Variants in CBFA2T2 observed in about 807,000 individuals in gnomAD.
CBFA2T2 encodes the protein protein CBFA2T2.
Under a neutral mutation model 62.2 loss-of-function variants are expected in CBFA2T2, and 11 were observed. The ratio of observed to expected loss-of-function variants is 0.18; its 90% CI spans 0.11 to 0.29. The LOEUF is 0.29. Ranked by LOEUF, CBFA2T2 falls within the 10% of genes least tolerant of loss-of-function variation. The pLI is 1.00. For missense variants in CBFA2T2, 592 were observed against 774.1 expected (o/e 0.76, Z 2.79); for synonymous variants, 295 against 287.5 (o/e 1.03, Z -0.27).
At chr20:33,523,695 C>T (rs2011798351) in intron 1 of CBFA2T2, among the ~76,000 whole-genome samples, 1 of 150,106 alleles carries the variant, frequency 6.7e-6, no homozygotes, top group Non-Finnish European at 1.5e-5. Flanking sequence ...GTTTTGTTTT[C>T]TTTTTTTCCC....
At chr20:33,631,263 G>A (rs551494719) in intron 8 of CBFA2T2, among the ~76,000 whole-genome samples, 30 of 152,302 alleles carry the variant, frequency 2.0e-4, no homozygotes, top group Non-Finnish European at 3.5e-4. Context: ...GCAGTGAGCC[G>A]AGATCGCGCC....
intron 1 of CBFA2T2, among the ~76,000 whole-genome samples, chr20:33,507,466 TAA>T (rs1263180429): frequency 6.6e-6 from 1 of 152,180 alleles, no homozygotes; most frequent in Non-Finnish European, 1.5e-5. Context: ...CCTTACAACA[TAA>T]AAAAATAATT....
intron 1 of CBFA2T2, among the ~76,000 whole-genome samples, chr20:33,521,017 CTAGA>C (rs890425873): frequency 4.0e-5 from 6 of 149,278 alleles, no homozygotes; most frequent in Non-Finnish European, 8.9e-5. Context: ...AGCTGCCATC[CTAGA>C]TAGTTTACCA....
intron 1 of CBFA2T2, among the ~76,000 whole-genome samples, chr20:33,566,002 T>G (rs2013296701): frequency 6.6e-6 from 1 of 152,180 alleles, no homozygotes; most frequent in African/African-American, 2.4e-5. Context: ...CTAAGGCTAC[T>G]CAGTGCTCAT....
At chr20:33,520,970 T>TCA (rs143080667) in intron 1 of CBFA2T2, among the ~76,000 whole-genome samples, 15,531 of 136,890 alleles carry the variant, frequency 0.11, 978 homozygotes, top group African/African-American at 0.18. Flanking sequence ...TCACCTGCCA[T>TCA]CACACACACA....
chr20:33,571,670 A>T (rs1427859904), intron 1 of CBFA2T2, among the ~76,000 whole-genome samples: 1 of 152,216 alleles, frequency 6.6e-6, no homozygotes, highest in Non-Finnish European at 1.5e-5. Context: ...CATATTTATC[A>T]CAATTTTCCT....
rs75601777 is a variant in CBFA2T2, at chr20:33,564,546, C to T, written c.35-42410C>T. 3.9e-4 allele frequency among the ~76,000 whole-genome samples: 59 copies of T among 152,082 alleles called. No individual in the cohort carries two copies. The East Asian group carries it at 8.7e-3, about 22-fold the overall frequency. Reference sequence around the variant, plus strand: ...CTGGGATTAAAGGAGTGAGCCACCGCGCCTGGCCCTCTTTTTTTCTTTTCT... The same window carrying T: ...CTGGGATTAAAGGAGTGAGCCACCGTGCCTGGCCCTCTTTTTTTCTTTTCT... On this transcript the variant is annotated intron_variant, in intron 1 of 10. Coordinates refer to ENST00000342704, the MANE Select transcript of CBFA2T2 (RefSeq NM_001032999.3).
chr20:33,621,501 C>T (rs1473940641), intron 4 of CBFA2T2, among the ~76,000 whole-genome samples: 1 of 151,722 alleles, frequency 6.6e-6, no homozygotes, highest in African/African-American at 2.4e-5. Flanking sequence ...ATAGTAGCGA[C>T]CATATTGTCC....
intron 1 of CBFA2T2, chr20:33,574,188 G>C: frequency 6.2e-7 from 1 of 1,612,876 alleles, no homozygotes; most frequent in East Asian, 2.2e-5. Context: ...AACATAAGCA[G>C]ATCACCAGGT....
chr20:33,624,333 C>T (rs2016131547), intron 5 of CBFA2T2, among the ~76,000 whole-genome samples: 1 of 146,892 alleles, frequency 6.8e-6, no homozygotes, highest in Admixed American at 7.0e-5. Flanking sequence ...ATTTGACTGG[C>T]TTTAAAAAAA....
chr20:33,595,557 A>G (rs1601030075), intron 1 of CBFA2T2, among the ~76,000 whole-genome samples: 1 of 149,246 alleles, frequency 6.7e-6, no homozygotes, highest in Middle Eastern at 3.6e-3. Context: ...TTTTTTTTTA[A>G]TTTATTTTTT....
chr20:33,638,812 T>C (rs1770036718), intron 9 of CBFA2T2: 1 of 152,174 alleles, frequency 6.6e-6, no homozygotes, highest in Non-Finnish European at 1.5e-5. Context: ...TTTTGCAGCG[T>C]CTACATTAGG....
In CBFA2T2 at chr20:33,645,279, TCC is replaced by T. The variant is rs998775647; in HGVS notation, c.*637_*638del. On this transcript the variant is annotated 3_prime_UTR_variant, in exon 11 of 11. Coordinates refer to ENST00000342704, the MANE Select transcript of CBFA2T2 (RefSeq NM_001032999.3). ...GCAAAAACATAAAACAAATAAAACT[TCC>T]CCCACATCACAGATGATTTTGGACA... 49 of 152,114 alleles carry T rather than the reference TCC, an allele frequency of 3.2e-4. No individual in the cohort carries two copies. Among genetic ancestry groups the T allele is most frequent in the African/African-American group, 1.1e-3 (46 of 41,480 alleles). The allele number at this position is 152,114 out of a possible 1,614,324, so 9.4% of individuals were successfully genotyped here.
intron 3 of CBFA2T2, among the ~76,000 whole-genome samples, chr20:33,617,411 A>G (rs977260671): frequency 1.1e-4 from 16 of 152,226 alleles, no homozygotes; most frequent in African/African-American, 3.9e-4. Context: ...AAGGTTTTAT[A>G]AACTAGCTGA....
intron 1 of CBFA2T2, among the ~76,000 whole-genome samples, chr20:33,587,693 C>A (rs1277403510): frequency 6.6e-6 from 1 of 152,244 alleles, no homozygotes; most frequent in East Asian, 1.9e-4. Flanking sequence ...GCCACTGCGT[C>A]CAGCCCCGTA....
At chr20:33,562,673 G>GT (rs2013132441) in intron 1 of CBFA2T2, 1 of 985,060 alleles carries the variant, frequency 1.0e-6, no homozygotes, top group African/African-American at 1.7e-5. Flanking sequence ...TGGGCATTTG[G>GT]GGTAAGTACA....
intron 1 of CBFA2T2, among the ~76,000 whole-genome samples, chr20:33,522,251 G>A (rs1027514815): frequency 1.3e-5 from 2 of 148,710 alleles, no homozygotes; most frequent in Admixed American, 1.6e-4. Context: ...TGGTTCCTTG[G>A]AGAATTGGGT....
chr20:33,622,881 G>A (rs975544228), intron 4 of CBFA2T2, among the ~76,000 whole-genome samples: 5 of 152,202 alleles, frequency 3.3e-5, no homozygotes, highest in Non-Finnish European at 5.9e-5. Flanking sequence ...GGTAAATAAG[G>A]TACAATCTCT....
chr20:33,590,995 T>C (rs1333424760), intron 1 of CBFA2T2, among the ~76,000 whole-genome samples: 1 of 151,324 alleles, frequency 6.6e-6, no homozygotes, highest in African/African-American at 2.4e-5. Context: ...GCCAACATGG[T>C]GAAACCCCAT....
Sources: allele counts gnomAD v4.1 joint callset (sites outside exome capture counted in the v4.1 genomes callset), GRCh38; gene constraint gnomAD v4.1.1; transcripts MANE v1.5; gene names NCBI Gene and HGNC (gene_info 2026-07-23, HGNC 2026-07-21).